MGAT4C: variants seen among roughly 807,000 people sequenced by gnomAD.
The protein encoded by MGAT4C is MGAT4 family member C, also known as alpha-1,3-mannosyl-glycoprotein 4-beta-N-acetylglucosaminyltransferase C.
MGAT4C carries 19 observed loss-of-function variants against 40.1 expected under a neutral mutation model. The ratio of observed to expected loss-of-function variants is 0.47; its 90% CI spans 0.33 to 0.70. The LOEUF is 0.70. Ranked by LOEUF, MGAT4C falls within the 30% of genes least tolerant of loss-of-function variation. The probability of loss-of-function intolerance (pLI) is 0.02; values close to 1 mark genes in which losing one functional copy is unlikely to be tolerated. For synonymous variants in MGAT4C, 181 were observed against 187.1 expected (o/e 0.97, Z 0.27); for missense variants, 491 against 563.2 (o/e 0.87, Z 1.30).
At chr12:86,701,383 C>A (rs149758791) in intron 2 of MGAT4C, among the ~76,000 whole-genome samples, 93 of 152,062 alleles carry the variant, frequency 6.1e-4, no homozygotes, top group African/African-American at 1.8e-3. Flanking sequence ...ATTATTATAT[C>A]TGTTATGGTG....
chr12:86,066,823 C>A (rs1894590937), intron 1 of MGAT4C, among the ~76,000 whole-genome samples: 1 of 151,784 alleles, frequency 6.6e-6, no homozygotes, highest in South Asian at 2.1e-4. Context: ...TGACAAAGGG[C>A]TAATATCCAG....
chr12:86,476,820 T>C (rs370072359), intron 2 of MGAT4C, among the ~76,000 whole-genome samples: 1 of 152,124 alleles, frequency 6.6e-6, no homozygotes, highest in African/African-American at 2.4e-5. Context: ...AGCAAATTAA[T>C]GCAGGAACAA....
At chr12:86,141,594 A>G (rs889953736) in intron 1 of MGAT4C, among the ~76,000 whole-genome samples, 19 of 152,156 alleles carry the variant, frequency 1.2e-4, no homozygotes, top group African/African-American at 4.1e-4. Flanking sequence ...AACACTTTCT[A>G]TTAGCTGTAC....
chr12:86,525,529 G>T (rs998211386), intron 2 of MGAT4C, among the ~76,000 whole-genome samples: 5 of 152,218 alleles, frequency 3.3e-5, no homozygotes, highest in Admixed American at 2.6e-4. Flanking sequence ...TTTCTGAGTT[G>T]TCAGGGTTCT....
intron 1 of MGAT4C, among the ~76,000 whole-genome samples, chr12:86,093,778 A>C (rs1190192416): frequency 6.0e-5 from 9 of 151,156 alleles, no homozygotes; most frequent in Admixed American, 4.0e-4. Context: ...AACAACACCT[A>C]CAAGGCCCTT....
In MGAT4C at chr12:86,579,899, A is replaced by G. The variant is rs1031822053; in HGVS notation, c.-228-144634T>C. Among the ~76,000 whole-genome samples the G allele has an allele frequency of 6.9e-4, 104 of 151,664 alleles. 1 individual carries two copies. Among genetic ancestry groups the G allele is most frequent in the African/African-American group, 2.3e-3 (94 of 41,484 alleles). ...TCCTGGCCTCTAAGGTTTCCACTGAAAAGACTGCTGTCAAATGTATTGAAG... is the reference window on the plus strand; with the variant it reads ...TCCTGGCCTCTAAGGTTTCCACTGAGAAGACTGCTGTCAAATGTATTGAAG... On this transcript the variant is annotated intron_variant, in intron 2 of 7. Transcript: ENST00000548651.
chr12:86,101,544 T>C (rs1592940556), intron 1 of MGAT4C, among the ~76,000 whole-genome samples: 1 of 151,910 alleles, frequency 6.6e-6, no homozygotes. Flanking sequence ...TTTAAAGACA[T>C]CTTTCTAAAC....
At chr12:86,691,943 T>C (rs1950180347) in intron 2 of MGAT4C, among the ~76,000 whole-genome samples, 1 of 152,148 alleles carries the variant, frequency 6.6e-6, no homozygotes, top group Non-Finnish European at 1.5e-5. Context: ...GATAATTATG[T>C]GACAATTAAG....
intron 1 of MGAT4C, among the ~76,000 whole-genome samples, chr12:86,078,299 G>A (rs913513041): frequency 3.3e-5 from 5 of 152,150 alleles, no homozygotes; most frequent in Admixed American, 2.0e-4. Context: ...GCTGCTTCAG[G>A]ATGAAGGGGA....
intron 1 of MGAT4C, among the ~76,000 whole-genome samples, chr12:86,185,144 C>T (rs1169405602): frequency 6.6e-6 from 1 of 152,108 alleles, no homozygotes; most frequent in African/African-American, 2.4e-5. Flanking sequence ...GATTTTTAAA[C>T]AAAATTTGTT....
intron 3 of MGAT4C, among the ~76,000 whole-genome samples, chr12:86,348,015 C>T (rs1955077331): frequency 6.6e-6 from 1 of 152,104 alleles, no homozygotes; most frequent in Admixed American, 6.6e-5. Context: ...GAAAGATACA[C>T]ACACAAACAT....
chr12:86,580,859 A>G (rs1593007548), intron 2 of MGAT4C, among the ~76,000 whole-genome samples: 1 of 151,594 alleles, frequency 6.6e-6, no homozygotes, highest in East Asian at 1.9e-4. Flanking sequence ...AGAGCAAAAA[A>G]GGGTAATATT....
chr12:86,063,047 A>G (rs1218506505), intron 1 of MGAT4C, among the ~76,000 whole-genome samples: 3 of 152,178 alleles, frequency 2.0e-5, no homozygotes, highest in Admixed American at 2.0e-4. Context: ...ACTCTTCAAG[A>G]AGAGCAACCC....
At chr12:86,813,697 A>C (rs960409437) in intron 1 of MGAT4C, among the ~76,000 whole-genome samples, 3 of 152,178 alleles carry the variant, frequency 2.0e-5, no homozygotes, top group Admixed American at 2.0e-4. Context: ...TTATAAAATC[A>C]CCTTGTTCAG....
At chr12:86,262,197 T>C (rs894816960) in intron 4 of MGAT4C, among the ~76,000 whole-genome samples, 9 of 152,090 alleles carry the variant, frequency 5.9e-5, no homozygotes, top group Non-Finnish European at 1.2e-4. Context: ...CATAATTTAT[T>C]TTGTTACAGA....
intron 2 of MGAT4C, among the ~76,000 whole-genome samples, chr12:86,462,799 C>T (rs1304982509): frequency 6.6e-6 from 1 of 152,148 alleles, no homozygotes; most frequent in Non-Finnish European, 1.5e-5. Flanking sequence ...CCGGAAGACT[C>T]AGCATGTATG....
chr12:86,464,237 C>T (rs974997902), intron 2 of MGAT4C, among the ~76,000 whole-genome samples: 4 of 152,136 alleles, frequency 2.6e-5, no homozygotes, highest in Non-Finnish European at 5.9e-5. Flanking sequence ...CACAGAATGT[C>T]ATACAGGCTG....
chr12:86,271,167 G>T (rs1299370318), intron 4 of MGAT4C, among the ~76,000 whole-genome samples: 1 of 152,134 alleles, frequency 6.6e-6, no homozygotes, highest in Non-Finnish European at 1.5e-5. Flanking sequence ...GACAAGTGGG[G>T]CTATATTAAA....
chr12:86,667,537 C>T (rs924565924), intron 2 of MGAT4C, among the ~76,000 whole-genome samples: 7 of 152,114 alleles, frequency 4.6e-5, no homozygotes, highest in African/African-American at 1.7e-4. Flanking sequence ...GTTTCATAAG[C>T]CATTCAGTCT....
Sources: gnomAD v4.1 joint callset for allele counts (sites outside exome capture counted in the v4.1 genomes callset) on GRCh38, gnomAD v4.1.1 for gene constraint, MANE v1.5 for transcripts, NCBI Gene and HGNC (gene_info 2026-07-23, HGNC 2026-07-21) for gene names.